PRSS50: variants seen among roughly 807,000 people sequenced by gnomAD.
The protein encoded by PRSS50 is serine protease 50.
Under a neutral mutation model 34.2 loss-of-function variants are expected in PRSS50, and 23 were observed. That is an observed-to-expected ratio of 0.67 (90% CI 0.48 to 0.95). The LOEUF is 0.95. Among genes scored for constraint, PRSS50 ranks in the 40% least tolerant of loss-of-function variants. The probability of loss-of-function intolerance (pLI) is 0.00; values close to 1 mark genes in which losing one functional copy is unlikely to be tolerated. For synonymous variants in PRSS50, 224 were observed against 211.2 expected, an observed-to-expected ratio of 1.06 and a Z score of -0.53; for missense variants, 484 against 513.4, an observed-to-expected ratio of 0.94 and a Z score of 0.55.
intron 4 of PRSS50, 89 bp from the exon 5 acceptor site, chr3:46,713,156 TC>T: frequency 6.8e-7 from 1 of 1,472,798 alleles, no homozygotes; most frequent in Non-Finnish European, 9.3e-7. Flanking sequence ...GTTCCCCACG[TC>T]CCACCTTTTC....
Position 46,717,617 on chromosome 3 carries a change from C to A in PRSS50, c.127G>T (p.Ala43Ser). 6.2e-7 allele frequency: 1 copy of A among 1,613,104 alleles called. No individual in the cohort carries two copies. The highest frequency in any genetic ancestry group is 8.5e-7 in the Non-Finnish European group (1 of 1,179,664). The part of the protein sequence containing the change: ...RSAGCWGAGE[A>S]PGALSTADPA... ...TCAGCAGTGGACAGCGCCCCCGGGGCTTCCCCTGCGCCCCAGCAACCTGCG... is the reference window on the plus strand; with the variant it reads ...TCAGCAGTGGACAGCGCCCCCGGGGATTCCCCTGCGCCCCAGCAACCTGCG... Residue 43 changes from alanine (A) to serine (S), a missense_variant, in exon 2 of 6, where the codon GCC becomes TCC. Coordinates refer to ENST00000315170, the MANE Select transcript of PRSS50 (RefSeq NM_013270.5). The surrounding 1 kb of genome is among the most constrained non-coding windows in gnomAD (Gnocchi z 4.5).
Position 46,716,904 on chromosome 3 carries a change from T to G in PRSS50, c.307+533A>C, listed in dbSNP as rs1232178083. 1.3e-5 allele frequency among the ~76,000 whole-genome samples: 2 copies of G among 152,240 alleles called. No homozygotes were observed. On this transcript the variant is annotated intron_variant, in intron 2 of 5. Transcript: ENST00000315170. This position sits in a 1 kb window ranked among gnomAD's most constrained non-coding sequence, Gnocchi z 4.4. ...ACTGGAAGTCCTGTTTGGGTGACTT[T>G]CTGTGGCAGTTAAATGCTATGTGCT...
Position 46,714,237 on chromosome 3 carries a change from C to T in PRSS50, c.735G>A (p.Trp245Ter), listed in dbSNP as rs1453538277. 6.2e-7 allele frequency: 1 copy of T among 1,614,062 alleles called. No homozygotes were observed. The highest frequency in any genetic ancestry group is 8.5e-7 in the Non-Finnish European group (1 of 1,179,986). ...ACTCACCGTCAGCCTTGGAAAGTCC[C>T]CAGCCCGTCACAGTGCAGCGGGAAT... ...KDHSRCTVTGWGLSKADGMWP... is the reference protein window; with the variant it reads ...KDHSRCTVTG Residue 245 changes from tryptophan (W) to a stop codon, truncating the protein, a stop_gained, in exon 4 of 6, where the codon TGG (tryptophan) becomes TGA (stop). Coordinates refer to ENST00000315170, the MANE Select transcript of PRSS50 (RefSeq NM_013270.5). LOFTEE classifies it high-confidence loss of function.
At chr3:46,713,467 C>T (rs1700644415) in intron 4 of PRSS50, among the ~76,000 whole-genome samples, 2 of 152,390 alleles carry the variant, frequency 1.3e-5, no homozygotes. Flanking sequence ...GGCACTGCTT[C>T]TTCCTTCTGC....
Position 46,717,671 on chromosome 3 carries a change from G to A in PRSS50, c.107-34C>T. On this transcript the variant is annotated intron_variant, in intron 1 of 5. Coordinates refer to ENST00000315170, the MANE Select transcript of PRSS50 (RefSeq NM_013270.5). The surrounding 1 kb of genome is among the most constrained non-coding windows in gnomAD (Gnocchi z 4.5). ...GACGTCGAGCGGATTAGAGGTGGAAGGCGAGGGCCGCGTCAGGCGGGTGGG... is the reference window on the plus strand; with the variant it reads ...GACGTCGAGCGGATTAGAGGTGGAAAGCGAGGGCCGCGTCAGGCGGGTGGG... 1.2e-6 allele frequency: 2 copies of A among 1,605,824 alleles called. No homozygotes were observed. Among genetic ancestry groups the A allele is most frequent in the Non-Finnish European group, 8.5e-7 (1 of 1,176,280 alleles).
chr3:46,712,643 G>T (rs13086735), intron 5 of PRSS50, among the ~76,000 whole-genome samples, 161 bp from the exon 6 acceptor site: 1 of 151,740 alleles, frequency 6.6e-6, no homozygotes, highest in South Asian at 2.1e-4. Context: ...TCCTCAAAGG[G>T]TTTCATCCCC....
rs113646760 is a variant in PRSS50, at chr3:46,714,499, C to T, written c.473G>A (p.Arg158His). The stretch of plus-strand genomic sequence containing the variant: ...CACCCTCACTGAGTAGATAACATCA[C>T]GCCTAGGGGGGCCGTGAGGGGAGGC... ...VLTVAHCLIW[R>H]DVIYSVRVGS... The change falls in exon 4 of 6, where the codon CGT (arginine) becomes CAT (histidine). Residue 158 changes from arginine (R) to histidine (H), a missense_variant and splice_region_variant. Physicochemically the swap from Arg to His is conservative, Grantham distance 29 (BLOSUM62 0). Coordinates refer to ENST00000315170, the MANE Select transcript of PRSS50 (RefSeq NM_013270.5). The T allele has an allele frequency of 4.0e-5, 63 of 1,581,444 alleles. No individual in the cohort carries two copies. In the East Asian group the frequency reaches 8.2e-4, roughly 21 times the overall value.
chr3:46,714,148 G>A (rs1575472243), intron 4 of PRSS50, 70 bp downstream of exon 4: 2 of 1,547,330 alleles, frequency 1.3e-6, no homozygotes, highest in African/African-American at 1.4e-5. Context: ...TCCATCTGTG[G>A]TGGCACCCTG....
In PRSS50 at chr3:46,712,263, G is replaced by A. The variant is rs1295538289; in HGVS notation, c.1141C>T (p.Leu381Phe). Residue 381 changes from leucine (L) to phenylalanine (F), a missense_variant, in exon 6 of 6, where the codon CTC (leucine) becomes TTC (phenylalanine). Leu to Phe is a conservative substitution (Grantham distance 22). Transcript: ENST00000315170. ...LLLALPLPLSLLAAL is the reference protein window; with the variant it reads ...LLLALPLPLSFLAAL ...ACACAGAGTCAGAGGGCAGCAAGGA[G>A]GCTGAGGGGCAGTGGGAGTGCCAGG... 1.2e-6 allele frequency: 2 copies of A among 1,610,182 alleles called. No individual in the cohort carries two copies. The highest frequency in any genetic ancestry group is 1.7e-6 in the Non-Finnish European group (2 of 1,178,342).
At chr3:46,712,847 A>T in intron 5 of PRSS50, 54 bp downstream of exon 5, 1 of 1,579,394 alleles carries the variant, frequency 6.3e-7, no homozygotes, top group African/African-American at 1.4e-5. Flanking sequence ...CCCTCCCCAG[A>T]TGCCTCTCCC....
Position 46,717,618 on chromosome 3 carries a change from T to C in PRSS50, c.126A>G (p.Glu42=), listed in dbSNP as rs1700702471. The change falls in exon 2 of 6, where the codon GAA becomes GAG. Residue 42 remains glutamate, a synonymous_variant. Coordinates refer to ENST00000315170, the MANE Select transcript of PRSS50 (RefSeq NM_013270.5). The surrounding 1 kb of genome is among the most constrained non-coding windows in gnomAD (Gnocchi z 4.5). ...CAGCAGTGGACAGCGCCCCCGGGGC[T>C]TCCCCTGCGCCCCAGCAACCTGCGG... The part of the protein sequence containing the change: ...LRSAGCWGAG[E]APGALSTADP... 6.2e-7 allele frequency: 1 copy of C among 1,613,036 alleles called. No individual in the cohort carries two copies. Among genetic ancestry groups the C allele is most frequent in the East Asian group, 2.2e-5 (1 of 44,840 alleles).
In PRSS50 at chr3:46,715,588, G is replaced by C. The variant is rs376402732; in HGVS notation, c.417C>G (p.Ala139=). ...SVRANGTHIC[A]GTIIASQWVL... ...CCCACTGGGAGGCAATGATGGTGCC[G>C]GCACAGATGTGTGTGCCATTGGCCC... Residue 139 remains alanine, a synonymous_variant, in exon 3 of 6, where the codon GCC becomes GCG. Coordinates refer to ENST00000315170, the MANE Select transcript of PRSS50 (RefSeq NM_013270.5). This position sits in a 1 kb window ranked among gnomAD's most constrained non-coding sequence, Gnocchi z 5.2. 1 of 1,613,724 alleles carries C rather than the reference G, an allele frequency of 6.2e-7. No individual in the cohort carries two copies. Among genetic ancestry groups the C allele is most frequent in the African/African-American group, 1.3e-5 (1 of 74,918 alleles).
In PRSS50 at chr3:46,712,236, G is replaced by T. The variant is rs768026004; in HGVS notation, c.*10C>A. 1.3e-5 allele frequency: 20 copies of T among 1,597,504 alleles called. No individual in the cohort carries two copies. The highest frequency in any genetic ancestry group is 1.7e-5 in the Non-Finnish European group (20 of 1,170,664). The stretch of plus-strand genomic sequence containing the variant: ...AAGGGGGGCCCACAAGTGAGGGAGG[G>T]CACACAGAGTCAGAGGGCAGCAAGG... On this transcript the variant is annotated 3_prime_UTR_variant, in exon 6 of 6. Transcript: ENST00000315170.
chr3:46,714,205 G>A lies in PRSS50; in HGVS notation c.754+13C>T, dbSNP rs931910822. On this transcript the variant is annotated intron_variant, in intron 4 of 5. Coordinates refer to ENST00000315170, the MANE Select transcript of PRSS50 (RefSeq NM_013270.5). Reference sequence around the variant, plus strand: ...CACAGCACCCGCCCTGGTCTGCAGAGGCTTTGACTCACCGTCAGCCTTGGA... The same window carrying A: ...CACAGCACCCGCCCTGGTCTGCAGAAGCTTTGACTCACCGTCAGCCTTGGA... 1 of 1,612,246 alleles carries A rather than the reference G, an allele frequency of 6.2e-7. No individual in the cohort carries two copies. The highest frequency in any genetic ancestry group is 8.5e-7 in the Non-Finnish European group (1 of 1,178,684).
chr3:46,712,125 A>G lies in PRSS50; in HGVS notation c.*121T>C. The G allele has an allele frequency of 7.7e-6, 7 of 908,886 alleles. No individual in the cohort carries two copies. The highest frequency in any genetic ancestry group is 1.2e-5 in the Non-Finnish European group (7 of 601,604). 56.3% of individuals were successfully genotyped at this position (908,886 alleles called of 1,614,324 possible). A position where few individuals can be genotyped will look rare whatever the true frequency, so the allele number is the denominator to read the frequency against. On this transcript the variant is annotated 3_prime_UTR_variant, in exon 6 of 6. Transcript: ENST00000315170. The stretch of plus-strand genomic sequence containing the variant: ...GCCGGGGAAGAAGGAGGCATGGAAA[A>G]CAGTAATGTTTAATTGAGCACCTCA...
At position 46,715,564 on chromosome 3, in the gene PRSS50, C is replaced by T. The variant is rs776477155; in HGVS notation, c.441G>A (p.Trp147Ter). The change falls in exon 3 of 6, where the codon TGG becomes TGA. Residue 147 changes from tryptophan (W) to a stop codon, truncating the protein, a stop_gained. Transcript: ENST00000315170. LOFTEE classifies it high-confidence loss of function. This position sits in a 1 kb window ranked among gnomAD's most constrained non-coding sequence, Gnocchi z 5.2. ...TCAGGCAGTGGGCCACAGTCAGCACCCACTGGGAGGCAATGATGGTGCCGG... is the reference window on the plus strand; with the variant it reads ...TCAGGCAGTGGGCCACAGTCAGCACTCACTGGGAGGCAATGATGGTGCCGG... ...ICAGTIIASQ[W>*]VLTVAHCLIW... The T allele has an allele frequency of 1.2e-5, 20 of 1,613,576 alleles. No homozygotes were observed. The African/African-American group carries it at 2.1e-4, about 17-fold the overall frequency.
rs185593757 is a variant in PRSS50 at position 46,714,528 on chromosome 3, G to A, written c.471-27C>T. On this transcript the variant is annotated intron_variant, in intron 3 of 5. Transcript: ENST00000315170. Reference sequence around the variant, plus strand: ...TAGGGGGGCCGTGAGGGGAGGCCATGATCAGCTCCAGGCCCCCTGCCCCAG... The same window carrying A: ...TAGGGGGGCCGTGAGGGGAGGCCATAATCAGCTCCAGGCCCCCTGCCCCAG... The A allele has an allele frequency of 3.3e-5, 51 of 1,535,214 alleles. No individual in the cohort carries two copies. The African/African-American group carries it at 6.0e-4, about 18-fold the overall frequency.
intron 5 of PRSS50, among the ~76,000 whole-genome samples, 171 bp from the exon 6 acceptor site, chr3:46,712,653 C>T (rs1273643204): frequency 1.3e-5 from 2 of 151,612 alleles, no homozygotes; most frequent in African/African-American, 4.9e-5. Context: ...GTTTCATCCC[C>T]CACCTCTTAA....
rs372109131 is a variant in PRSS50 at position 46,713,093 on chromosome 3, G to A, written c.755-26C>T. On this transcript the variant is annotated intron_variant, in intron 4 of 5. Coordinates refer to ENST00000315170, the MANE Select transcript of PRSS50 (RefSeq NM_013270.5). Reference sequence around the variant, plus strand: ...CTGTGGGACAGGGCCCCATTTAGGCGCAGCCACTCACCGCTGCCCACTACC... The same window carrying A: ...CTGTGGGACAGGGCCCCATTTAGGCACAGCCACTCACCGCTGCCCACTACC... 52 of 1,610,826 alleles carry A rather than the reference G, an allele frequency of 3.2e-5. No homozygotes were observed. In the East Asian group the frequency reaches 6.7e-4, roughly 21 times the overall value.
Sources: gnomAD v4.1 joint callset for allele counts (sites outside exome capture counted in the v4.1 genomes callset) on GRCh38, gnomAD v4.1.1 for gene constraint, Gnocchi (gnomAD v3.1) non-coding constraint, MANE v1.5 for transcripts, NCBI Gene and HGNC (gene_info 2026-07-23, HGNC 2026-07-21) for gene names.